NDUFAF7: variants seen among roughly 807,000 people sequenced by gnomAD.
The protein encoded by NDUFAF7 is protein arginine methyltransferase NDUFAF7, mitochondrial.
NDUFAF7 carries 48 observed loss-of-function variants against 47.2 expected under a neutral mutation model. That is an observed-to-expected ratio of 1.02 (90% CI 0.81 to 1.29). The LOEUF is 1.29. Ranked by LOEUF, NDUFAF7 falls within the 50% of genes most tolerant of loss-of-function variation. The pLI, the probability that NDUFAF7 is intolerant of heterozygous loss-of-function variation, is 0.00. For missense variants in NDUFAF7, 635 were observed against 537.6 expected (o/e 1.18, Z -1.79); for synonymous variants, 217 against 190.0 (o/e 1.14, Z -1.17).
At chr2:37,253,474 C>G (rs769829198), downstream of NDUFAF7, 2 of 727,080 alleles carry the variant, frequency 2.8e-6, no homozygotes, top group Non-Finnish European at 4.4e-6. Context: ...AGGCGCTACT[C>G]ATAAGTATCT....
At chr2:37,253,414 G>C (rs1667672333), downstream of NDUFAF7, 1 of 1,421,796 alleles carries the variant, frequency 7.0e-7, no homozygotes, top group Non-Finnish European at 9.5e-7. Context: ...CCTGGTTTTT[G>C]TTTTGTGTTT....
chr2:37,232,045 G>T, intron 1 of NDUFAF7, 61 bp from the exon 2 acceptor site: 1 of 1,613,110 alleles, frequency 6.2e-7, no homozygotes, highest in South Asian at 1.1e-5. Flanking sequence ...ACGCTCAGGC[G>T]GCTTGCGCTC....
chr2:37,244,114 G>GC, intron 7 of NDUFAF7, 141 bp downstream of exon 7: 1 of 726,982 alleles, frequency 1.4e-6, no homozygotes, highest in Admixed American at 2.4e-5. Flanking sequence ...TATTGACAGT[G>GC]AAAGTGCAGA....
intron 3 of NDUFAF7, among the ~76,000 whole-genome samples, chr2:37,236,892 T>C (rs1192725314): frequency 6.6e-6 from 1 of 152,000 alleles, no homozygotes. Context: ...ATAAAGAGCA[T>C]TGAAGAATTA....
Position 37,236,151 on chromosome 2 carries a change from C to A in NDUFAF7, c.272C>A (p.Pro91His). ...GAAAAAGGAGATTTCATTACTTCAC[C>A]TGAAATAAGTCAAATCTTTGGGGAG... The part of the protein sequence containing the change: ...LGEKGDFITS[P>H]EISQIFGELL... Residue 91 changes from proline (P) to histidine (H), a missense_variant, in exon 3 of 10, where the codon CCT becomes CAT. Physicochemically the swap from Pro to His is moderately conservative, Grantham distance 77 (BLOSUM62 -2). Coordinates refer to ENST00000002125, the MANE Select transcript of NDUFAF7 (RefSeq NM_144736.5). The A allele has an allele frequency of 6.2e-7, 1 of 1,612,288 alleles. No individual in the cohort carries two copies. Among genetic ancestry groups the A allele is most frequent in the Non-Finnish European group, 8.5e-7 (1 of 1,178,528 alleles).
rs1469523448 is a variant in NDUFAF7 at position 37,245,938 on chromosome 2, G to A, written c.793-114G>A. 3 of 1,216,208 alleles carry A rather than the reference G, an allele frequency of 2.5e-6. No individual in the cohort carries two copies. In the East Asian group the frequency reaches 7.7e-5, roughly 31 times the overall value. The allele number at this position is 1,216,208 out of a possible 1,614,324, so 75.3% of individuals were successfully genotyped here. A position where few individuals can be genotyped will look rare whatever the true frequency, so the allele number is the denominator to read the frequency against. On this transcript the variant is annotated intron_variant, in intron 7 of 9. Transcript: ENST00000002125. ...AGTGTAGAGAACATACTCATATTAA[G>A]AATTTATTTTTATTAAAACTAAGAA...
At chr2:37,234,585 C>CT (rs1665551918) in intron 2 of NDUFAF7, among the ~76,000 whole-genome samples, 1 of 152,102 alleles carries the variant, frequency 6.6e-6, no homozygotes, top group Non-Finnish European at 1.5e-5. Context: ...ATAATGTTTC[C>CT]TTATGAACGG....
the NDUFAF7 span, among the ~76,000 whole-genome samples, chr2:37,261,786 CAAAA>C: frequency 1.3e-5 from 2 of 152,038 alleles, no homozygotes; most frequent in Non-Finnish European, 2.9e-5. Flanking sequence ...ATCTCAAAAA[CAAAA>C]AAACCCAGAC....
intron 2 of NDUFAF7, 117 bp downstream of exon 2, chr2:37,232,383 G>T (rs1665257305): frequency 7.4e-7 from 1 of 1,354,650 alleles, no homozygotes; most frequent in South Asian, 1.2e-5. Context: ...GCCAGGGGAA[G>T]AGCCATTTCT....
chr2:37,237,935 A>G (rs1164782444), intron 4 of NDUFAF7, 68 bp downstream of exon 4: 4 of 1,097,958 alleles, frequency 3.6e-6, no homozygotes, highest in South Asian at 1.3e-5. Flanking sequence ...TGTGCAAACC[A>G]TGTTGATTTC....
the NDUFAF7 span, among the ~76,000 whole-genome samples, chr2:37,266,427 G>A: frequency 1.3e-5 from 2 of 151,890 alleles, no homozygotes; most frequent in Admixed American, 1.3e-4. Context: ...CCAGGTACAA[G>A]TGATTCTCCT....
intron 4 of NDUFAF7, among the ~76,000 whole-genome samples, chr2:37,239,359 TC>T (rs1666124862): frequency 6.6e-6 from 1 of 152,172 alleles, no homozygotes; most frequent in African/African-American, 2.4e-5. Flanking sequence ...CTTGAAGTGG[TC>T]CGCCTGCCTC....
the NDUFAF7 span, chr2:37,259,815 CTTAAGG>C: frequency 1.6e-6 from 1 of 629,754 alleles, no homozygotes; most frequent in East Asian, 2.8e-5. Context: ...TATTCTGCTC[CTTAAGG>C]TTAACAATTC....
At chr2:37,262,708 T>TG in the NDUFAF7 span, among the ~76,000 whole-genome samples, 1 of 152,196 alleles carries the variant, frequency 6.6e-6, no homozygotes, top group Admixed American at 6.5e-5. Context: ...TAAAAACACG[T>TG]GGACACACAA....
At chr2:37,235,801 C>A (rs1180954230) in intron 2 of NDUFAF7, among the ~76,000 whole-genome samples, 1 of 151,984 alleles carries the variant, frequency 6.6e-6, no homozygotes, top group East Asian at 1.9e-4. Flanking sequence ...ACTACGGGCA[C>A]CCTCCACCAT....
downstream of NDUFAF7, chr2:37,256,920 A>G: frequency 6.2e-7 from 1 of 1,613,980 alleles, no homozygotes; most frequent in Non-Finnish European, 8.5e-7. Context: ...CCAAAGTCAC[A>G]CAGCTTCACC....
At chr2:37,249,897 T>C (rs1667342988), downstream of NDUFAF7, among the ~76,000 whole-genome samples, 1 of 152,014 alleles carries the variant, frequency 6.6e-6, no homozygotes, top group African/African-American at 2.4e-5. Context: ...TTGGCAGTGA[T>C]GAACTGTTGC....
Position 37,237,857 on chromosome 2 carries a change from A to C in NDUFAF7, c.398A>C (p.Asp133Ala), listed in dbSNP as rs376451811. Residue 133 changes from aspartate (D) to alanine (A), a missense_variant, in exon 4 of 10, where the codon GAT becomes GCT. Coordinates refer to ENST00000002125, the MANE Select transcript of NDUFAF7 (RefSeq NM_144736.5). ...CCAGGTAGGGGAACCCTCGTGGGAG[A>C]TATTTTGAGGGTAGGTAATAAAAGA... ...LGPGRGTLVG[D>A]ILRVFTQLGS... is the part of the protein sequence containing the mutation. 3 of 1,603,808 alleles carry C rather than the reference A, an allele frequency of 1.9e-6. No individual in the cohort carries two copies. Among genetic ancestry groups the C allele is most frequent in the Non-Finnish European group, 2.6e-6 (3 of 1,170,946 alleles).
downstream of NDUFAF7, among the ~76,000 whole-genome samples, chr2:37,258,234 G>A (rs1372550562): frequency 6.6e-6 from 1 of 152,178 alleles, no homozygotes; most frequent in Non-Finnish European, 1.5e-5. Context: ...TGCTATTTCT[G>A]GGATGGTGGA....
Sources: gnomAD v4.1 joint callset for allele counts (sites outside exome capture counted in the v4.1 genomes callset) on GRCh38, gnomAD v4.1.1 for gene constraint, MANE v1.5 for transcripts, NCBI Gene and HGNC (gene_info 2026-07-23, HGNC 2026-07-21) for gene names.